PDIA4: variants seen among roughly 807,000 people sequenced by gnomAD.
PDIA4 encodes the protein protein disulfide-isomerase A4.
PDIA4 carries 33 observed loss-of-function variants against 62.1 expected under a neutral mutation model. The ratio of observed to expected loss-of-function variants is 0.53; its 90% CI spans 0.40 to 0.71. The LOEUF is 0.71. PDIA4 is among the 30% of genes least tolerant of loss of function. The probability of loss-of-function intolerance (pLI) is 0.00; values close to 1 mark genes in which losing one functional copy is unlikely to be tolerated. For synonymous variants in PDIA4, 341 were observed against 324.1 expected (o/e 1.05, Z -0.56); for missense variants, 804 against 813.6 (o/e 0.99, Z 0.14).
chr7:149,004,553 G>T (rs544890860), intron 9 of PDIA4, among the ~76,000 whole-genome samples: 4 of 151,844 alleles, frequency 2.6e-5, no homozygotes, highest in African/African-American at 9.7e-5. Flanking sequence ...CACAGACATC[G>T]GAACAGCATG....
intron 1 of PDIA4, among the ~76,000 whole-genome samples, chr7:149,025,089 T>A (rs59050175): frequency 0.72 from 70,100 of 97,354 alleles, 24,898 homozygotes; most frequent in Non-Finnish European, 0.81. Context: ...AAAAAAAATA[T>A]ATATATATAT....
intron 1 of PDIA4, 141 bp from the exon 2 acceptor site, chr7:149,021,288 A>G (rs952223945): frequency 1.6e-5 from 12 of 757,304 alleles, no homozygotes; most frequent in Non-Finnish European, 2.5e-5. Context: ...CAGGAGTTCA[A>G]GACCAGCCTG....
At chr7:149,024,937 C>T (rs1249101006) in intron 1 of PDIA4, among the ~76,000 whole-genome samples, 1 of 150,570 alleles carries the variant, frequency 6.6e-6, no homozygotes, top group East Asian at 1.9e-4. Context: ...CCAGCCTGAC[C>T]AACATGGAGA....
intron 3 of PDIA4, among the ~76,000 whole-genome samples, chr7:149,016,426 G>T (rs1824141864): frequency 6.6e-6 from 1 of 152,086 alleles, no homozygotes; most frequent in East Asian, 1.9e-4. Flanking sequence ...ACTAATAACT[G>T]TAAAAATGAG....
chr7:149,008,138 A>T, intron 7 of PDIA4, 21 bp downstream of exon 7: 1 of 1,610,296 alleles, frequency 6.2e-7, no homozygotes, highest in Non-Finnish European at 8.5e-7. Flanking sequence ...CAGGGCTGGC[A>T]TGGCAGAGGG....
intron 4 of PDIA4, among the ~76,000 whole-genome samples, chr7:149,012,774 A>G (rs1280827977): frequency 6.6e-6 from 1 of 152,194 alleles, no homozygotes; most frequent in Non-Finnish European, 1.5e-5. Flanking sequence ...TCCAAGGGAC[A>G]GCGAGGAATT....
chr7:149,011,544 G>A (rs1217722163), intron 6 of PDIA4, among the ~76,000 whole-genome samples: 1 of 152,218 alleles, frequency 6.6e-6, no homozygotes, highest in East Asian at 1.9e-4. Flanking sequence ...CTTGAAAGCT[G>A]GTTTGATTCA....
chr7:149,016,444 C>G (rs1335961726), intron 3 of PDIA4, among the ~76,000 whole-genome samples: 1 of 152,096 alleles, frequency 6.6e-6, no homozygotes, highest in Non-Finnish European at 1.5e-5. Context: ...GAGAAAATCT[C>G]TCTCAGACAG....
rs1823970348 is a variant in PDIA4, at chr7:149,012,233, C to G, written c.742G>C (p.Asp248His). 2 of 1,614,124 alleles carry G rather than the reference C, an allele frequency of 1.2e-6. No homozygotes were observed. Among genetic ancestry groups the G allele is most frequent in the Non-Finnish European group, 1.7e-6 (2 of 1,180,024 alleles). Residue 248 changes from aspartate to histidine, a missense_variant, in exon 5 of 10, where the codon GAT becomes CAT. Coordinates refer to ENST00000652332, the MANE Select transcript of PDIA4 (RefSeq NM_004911.5). ...TTCAGGGTGGGATAGCCAGAGACAT[C>G]AAACCTCTTGGCCAGGTCTGTTTCT... ...TAETDLAKRF[D>H]VSGYPTLKIF...
At chr7:149,023,109 G>A (rs1297848026) in intron 1 of PDIA4, among the ~76,000 whole-genome samples, 5 of 152,174 alleles carry the variant, frequency 3.3e-5, no homozygotes, top group Non-Finnish European at 7.3e-5. Context: ...ACTGTCAGAA[G>A]TTCATGGAGG....
chr7:149,024,850 T>TGTGATGGCTCACGCCTGTAACCCCAACAC (rs1824489996), intron 1 of PDIA4, among the ~76,000 whole-genome samples: 1 of 128,214 alleles, frequency 7.8e-6, no homozygotes, highest in Non-Finnish European at 1.6e-5. Context: ...AAAGGCCAGG[T>TGTGATGGCTCACGCCTGTAACCCCAACAC]GTGATGGCTC....
chr7:149,003,077 G>T lies in PDIA4; in HGVS notation c.*717C>A. ...AACGCAGTTCTTAACGTTTTTAATC[G>T]TGTTTTATTCCATTGCCACAGCCTA... On this transcript the variant is annotated 3_prime_UTR_variant, in exon 10 of 10. Transcript: ENST00000652332. The T allele has an allele frequency of 5.9e-6, 1 of 169,424 alleles. No individual in the cohort carries two copies. The allele number at this position is 169,424 out of a possible 1,614,324, so 10.5% of individuals were successfully genotyped here. A position where few individuals can be genotyped will look rare whatever the true frequency, so the allele number is the denominator to read the frequency against.
At chr7:149,023,605 C>T (rs941056710) in intron 1 of PDIA4, among the ~76,000 whole-genome samples, 1 of 151,974 alleles carries the variant, frequency 6.6e-6, no homozygotes, top group African/African-American at 2.4e-5. Flanking sequence ...AAGTTACTTG[C>T]AAGCAGATGG....
At chr7:149,008,715 GA>G (rs371884233) in intron 6 of PDIA4, among the ~76,000 whole-genome samples, 15,901 of 108,952 alleles carry the variant, frequency 0.15, 915 homozygotes, top group African/African-American at 0.22. Flanking sequence ...TCTTTAAAAA[GA>G]AAAAAAAAAA....
intron 4 of PDIA4, among the ~76,000 whole-genome samples, chr7:149,014,355 A>G (rs1188448604): frequency 6.6e-6 from 1 of 152,100 alleles, no homozygotes; most frequent in Non-Finnish European, 1.5e-5. Context: ...ATGGTCAGAC[A>G]TACCAGGACT....
rs1295376455 is a variant in PDIA4 at position 149,003,868 on chromosome 7, T to C, written c.1864A>G (p.Arg622Gly). Residue 622 changes from arginine to glycine, a missense_variant, in exon 10 of 10, where the codon AGA (arginine) becomes GGA (glycine). Arg to Gly is a moderately radical substitution (Grantham distance 125). Coordinates refer to ENST00000652332, the MANE Select transcript of PDIA4 (RefSeq NM_004911.5). ...KNPVKFEGGD[R>G]DLEHLSKFIE... Reference sequence around the variant, plus strand: ...AACTTGCTCAAATGCTCCAGATCTCTGTCTCCACCCTCAAATTTAACTGGG... The same window carrying C: ...AACTTGCTCAAATGCTCCAGATCTCCGTCTCCACCCTCAAATTTAACTGGG... 5 of 1,611,552 alleles carry C rather than the reference T, an allele frequency of 3.1e-6. No homozygotes were observed. Among genetic ancestry groups the C allele is most frequent in the Non-Finnish European group, 4.2e-6 (5 of 1,179,148 alleles).
chr7:149,024,138 T>C lies in PDIA4; in HGVS notation c.89-2991A>G, dbSNP rs543563706. Among the ~76,000 whole-genome samples, 182 of 152,166 alleles carry C rather than the reference T, an allele frequency of 1.2e-3. 1 individual carries two copies. The highest frequency in any genetic ancestry group is 4.2e-3 in the African/African-American group (175 of 41,502). On this transcript the variant is annotated intron_variant, in intron 1 of 9. Coordinates refer to ENST00000652332, the MANE Select transcript of PDIA4 (RefSeq NM_004911.5). ...GGTGCATGCCTGTAATCTTAGCTACTTGGGAGGCTGAGGCAGGAGAATTGC... is the reference window on the plus strand; with the variant it reads ...GGTGCATGCCTGTAATCTTAGCTACCTGGGAGGCTGAGGCAGGAGAATTGC...
At chr7:149,017,867 G>C (rs778260762) in intron 3 of PDIA4, among the ~76,000 whole-genome samples, 3 of 152,200 alleles carry the variant, frequency 2.0e-5, no homozygotes, top group Non-Finnish European at 4.4e-5. Flanking sequence ...CTGCACCTGT[G>C]GTTCTCAGCA....
chr7:149,010,362 G>A (rs568336854), intron 6 of PDIA4, among the ~76,000 whole-genome samples: 6 of 152,186 alleles, frequency 3.9e-5, no homozygotes, highest in East Asian at 1.9e-4. Flanking sequence ...ATGTGGTGGC[G>A]CTCACCTGTA....
Sources: allele counts gnomAD v4.1 joint callset (sites outside exome capture counted in the v4.1 genomes callset), GRCh38; gene constraint gnomAD v4.1.1; transcripts MANE v1.5; gene names NCBI Gene and HGNC (gene_info 2026-07-23, HGNC 2026-07-21).